The following ZBTB7C variants were observed in gnomAD, a reference collection of about 807,000 sequenced individuals.
ZBTB7C encodes the protein zinc finger and BTB domain containing 7C, also known as zinc finger and BTB domain-containing protein 7C.
ZBTB7C carries 8 observed loss-of-function variants against 25.7 expected under a neutral mutation model. The ratio of observed to expected loss-of-function variants is 0.31; its 90% CI spans 0.18 to 0.56. The LOEUF is 0.56. ZBTB7C is among the 20% of genes least tolerant of loss of function. ZBTB7C has a pLI of 0.91. For missense variants in ZBTB7C, 824 were observed against 855.2 expected (o/e 0.96, Z 0.46); for synonymous variants, 394 against 369.0 (o/e 1.07, Z -0.78).
chr18:48,343,942 C>T (rs1462433601), intron 1 of ZBTB7C, among the ~76,000 whole-genome samples: 1 of 152,136 alleles, frequency 6.6e-6, no homozygotes, highest in African/African-American at 2.4e-5. Flanking sequence ...AGGAGTGGGG[C>T]TTCTACCCTG....
At chr18:48,039,640 C>T (rs549006988) in intron 4 of ZBTB7C, among the ~76,000 whole-genome samples, 102 of 152,338 alleles carry the variant, frequency 6.7e-4, no homozygotes, top group African/African-American at 2.3e-3. Context: ...CACTTCCTTC[C>T]CAGCCAGAAC....
At chr18:48,178,976 G>A (rs1431388545) in intron 3 of ZBTB7C, among the ~76,000 whole-genome samples, 2 of 152,178 alleles carry the variant, frequency 1.3e-5, no homozygotes, top group Non-Finnish European at 1.5e-5. Flanking sequence ...TCCCAGGAGT[G>A]TGGCTTCTCA....
intron 2 of ZBTB7C, among the ~76,000 whole-genome samples, chr18:48,201,425 C>G (rs2042444534): frequency 6.6e-6 from 1 of 152,136 alleles, no homozygotes; most frequent in Admixed American, 6.5e-5. Flanking sequence ...CTCTGATGTC[C>G]ATTCCTGTGA....
At chr18:48,238,900 G>A (rs1599165408) in intron 2 of ZBTB7C, among the ~76,000 whole-genome samples, 1 of 152,192 alleles carries the variant, frequency 6.6e-6, no homozygotes, top group Non-Finnish European at 1.5e-5. Context: ...CCGGGGGCAA[G>A]ATCTCAGCCC....
At chr18:48,378,447 A>G (rs2047569483) in intron 1 of ZBTB7C, among the ~76,000 whole-genome samples, 1 of 152,218 alleles carries the variant, frequency 6.6e-6, no homozygotes, top group Non-Finnish European at 1.5e-5. Flanking sequence ...GCCTTCTCTG[A>G]AGACCCCAAC....
chr18:48,036,060 G>T (rs1388881216), intron 4 of ZBTB7C, among the ~76,000 whole-genome samples: 1 of 152,242 alleles, frequency 6.6e-6, no homozygotes, highest in African/African-American at 2.4e-5. Context: ...AGCTAGGAAG[G>T]GACAGCATGG....
chr18:48,365,496 T>C, intron 1 of ZBTB7C, among the ~76,000 whole-genome samples: 1 of 152,248 alleles, frequency 6.6e-6, no homozygotes, highest in Non-Finnish European at 1.5e-5. Context: ...TCTCCCTTTC[T>C]GGCTTTGAAG....
chr18:48,275,476 G>A (rs1172655179), intron 2 of ZBTB7C, among the ~76,000 whole-genome samples: 3 of 152,110 alleles, frequency 2.0e-5, no homozygotes, highest in African/African-American at 4.8e-5. Flanking sequence ...TACAGTGCCC[G>A]GCCCAGAGTC....
Position 48,040,160 on chromosome 18 carries a change from G to T in ZBTB7C, c.948C>A (p.Asp316Glu). 6.3e-7 allele frequency: 1 copy of T among 1,578,544 alleles called. No homozygotes were observed. The highest frequency in any genetic ancestry group is 8.6e-7 in the Non-Finnish European group (1 of 1,162,850). The change falls in exon 4 of 5, where the codon GAC becomes GAA. Residue 316 changes from aspartate (D) to glutamate (E), a missense_variant. Coordinates refer to ENST00000590800, the MANE Select transcript of ZBTB7C (RefSeq NM_001318841.2). ...TGGGTCCCAGAGGCCCCCCCGGCAG[G>T]TCAGGGAACATGTCCTTGAAGAAGT... is the stretch of plus-strand genomic sequence containing the variant. ...PNDFFKDMFP[D>E]LPGGPLGPIK...
intron 3 of ZBTB7C, among the ~76,000 whole-genome samples, chr18:48,147,356 G>A (rs2144866367): frequency 6.6e-6 from 1 of 152,214 alleles, no homozygotes; most frequent in East Asian, 1.9e-4. Context: ...GGGATTACAC[G>A]CGTGAGCTAC....
chr18:48,240,997 G>A (rs760228378), intron 2 of ZBTB7C, among the ~76,000 whole-genome samples: 4 of 152,138 alleles, frequency 2.6e-5, no homozygotes, highest in Admixed American at 6.5e-5. Context: ...AGGTTAAGGG[G>A]TGGAAAAAGA....
intron 3 of ZBTB7C, among the ~76,000 whole-genome samples, chr18:48,135,789 A>T (rs755636510): frequency 6.6e-6 from 1 of 152,192 alleles, no homozygotes; most frequent in African/African-American, 2.4e-5. Context: ...ATCTGGAGAA[A>T]CTGCTCGATT....
At chr18:48,185,360 T>G in intron 3 of ZBTB7C, 1 of 445,478 alleles carries the variant, frequency 2.2e-6, no homozygotes, top group Non-Finnish European at 4.5e-6. Context: ...TGCAGGTGTC[T>G]TCTCTTCCTG....
rs180840231 is a variant in ZBTB7C at position 48,098,289 on chromosome 18, T to C, written c.-16-57166A>G. ...AGCTTCTATGGACCAGGTCACTGTA[T>C]GGGGATGGATCCAGCATTCTTGGTG... On this transcript the variant is annotated intron_variant, in intron 3 of 4. Coordinates refer to ENST00000590800, the MANE Select transcript of ZBTB7C (RefSeq NM_001318841.2). Among the ~76,000 whole-genome samples the C allele has an allele frequency of 3.2e-4, 49 of 152,322 alleles. 1 individual carries two copies. In the East Asian group the frequency reaches 8.3e-3, roughly 26 times the overall value.
intron 3 of ZBTB7C, among the ~76,000 whole-genome samples, chr18:48,105,858 T>C (rs554709647): frequency 6.6e-6 from 1 of 152,314 alleles, no homozygotes; most frequent in African/African-American, 2.4e-5. Flanking sequence ...CAGCATACCA[T>C]TGCCTGACAT....
At chr18:48,131,514 G>A (rs1376934175) in intron 3 of ZBTB7C, among the ~76,000 whole-genome samples, 1 of 152,002 alleles carries the variant, frequency 6.6e-6, no homozygotes, top group Non-Finnish European at 1.5e-5. Context: ...CAAACTAGGT[G>A]AGTTCCCCCA....
intron 1 of ZBTB7C, among the ~76,000 whole-genome samples, chr18:48,338,939 C>T (rs1406932379): frequency 6.6e-6 from 1 of 152,104 alleles, no homozygotes; most frequent in Non-Finnish European, 1.5e-5. Flanking sequence ...GTAGGACACC[C>T]CACCTATGGC....
At chr18:48,169,616 C>T (rs76889624) in intron 3 of ZBTB7C, among the ~76,000 whole-genome samples, 3,060 of 152,242 alleles carry the variant, frequency 0.02, 97 homozygotes, top group African/African-American at 0.071. Flanking sequence ...AGCACTGTGC[C>T]GTCCACTTTC....
chr18:48,078,580 A>C (rs1384152769), intron 3 of ZBTB7C, among the ~76,000 whole-genome samples: 4 of 152,172 alleles, frequency 2.6e-5, no homozygotes, highest in Admixed American at 2.6e-4. Flanking sequence ...TGGGGGCTCC[A>C]AGGGTTGTGG....
Sources: gnomAD v4.1 joint callset for allele counts (sites outside exome capture counted in the v4.1 genomes callset) on GRCh38, gnomAD v4.1.1 for gene constraint, MANE v1.5 for transcripts, NCBI Gene and HGNC (gene_info 2026-07-23, HGNC 2026-07-21) for gene names.